The following WDR11 variants were observed in gnomAD, a reference collection of about 807,000 sequenced individuals.
WDR11 encodes the protein WD repeat-containing protein 11.
Under a neutral mutation model 151.2 loss-of-function variants are expected in WDR11, and 83 were observed. The ratio of observed to expected loss-of-function variants is 0.55; its 90% CI spans 0.46 to 0.66. The LOEUF (loss-of-function observed/expected upper bound fraction) is 0.66, where lower values mean the gene tolerates loss of function less well. Among genes scored for constraint, WDR11 ranks in the 30% least tolerant of loss-of-function variants. The probability of loss-of-function intolerance (pLI) is 0.00; values close to 1 mark genes in which losing one functional copy is unlikely to be tolerated. For missense variants in WDR11, 1,301 were observed against 1,480.9 expected, an observed-to-expected ratio of 0.88 and a Z score of 1.99; for synonymous variants, 484 against 533.1, an observed-to-expected ratio of 0.91 and a Z score of 1.27.
chr10:120,856,624 G>A lies in WDR11; in HGVS notation c.199-2019G>A, dbSNP rs1331766636. Among the ~76,000 whole-genome samples the A allele has an allele frequency of 3.4e-5, 5 of 147,716 alleles. No homozygotes were observed. The South Asian group carries it at 1.1e-3, about 32-fold the overall frequency. On this transcript the variant is annotated intron_variant, in intron 2 of 28. Transcript: ENST00000263461. ...CCTCCACTATCTTCAAGCTTACATA[G>A]TTTCTGATGAAAAATTTTTGTTTTT...
At chr10:120,876,622 C>T (rs1846801761) in intron 11 of WDR11, among the ~76,000 whole-genome samples, 1 of 152,114 alleles carries the variant, frequency 6.6e-6, no homozygotes, top group Admixed American at 6.5e-5. Flanking sequence ...CTCTCTTTCC[C>T]ATCTCCTCTT....
chr10:120,903,023 G>A, intron 22 of WDR11, 32 bp from the exon 23 acceptor site: 1 of 1,612,150 alleles, frequency 6.2e-7, no homozygotes, highest in Non-Finnish European at 8.5e-7. Context: ...GGTGTGCTGA[G>A]TGCAGTCAAA....
intron 20 of WDR11, among the ~76,000 whole-genome samples, chr10:120,900,343 G>A (rs563544927): frequency 4.6e-5 from 7 of 152,190 alleles, no homozygotes; most frequent in South Asian, 2.1e-4. Context: ...CTGTGAGGGC[G>A]TGTATTGCTC....
In WDR11 at chr10:120,873,925, T is replaced by C; in HGVS notation, c.1556+2T>C. Reference sequence around the variant, plus strand: ...AAGCATCCACTCATGTGAAGTCAAGTAAGTATGTCATTGTGATGATGACAT... The same window carrying C: ...AAGCATCCACTCATGTGAAGTCAAGCAAGTATGTCATTGTGATGATGACAT... On this transcript the variant is annotated splice_donor_variant, in intron 11 of 28. Coordinates refer to ENST00000263461, the MANE Select transcript of WDR11 (RefSeq NM_018117.12). LOFTEE classifies it high-confidence loss of function. The C allele has an allele frequency of 6.2e-7, 1 of 1,601,506 alleles. No individual in the cohort carries two copies. The highest frequency in any genetic ancestry group is 2.2e-5 in the East Asian group (1 of 44,810).
In WDR11 at chr10:120,886,009, A is replaced by G. The variant is rs550138369; in HGVS notation, c.1973+71A>G. 13 of 1,598,704 alleles carry G rather than the reference A, an allele frequency of 8.1e-6. No individual in the cohort carries two copies. In the African/African-American group the frequency reaches 1.5e-4, roughly 18 times the overall value. On this transcript the variant is annotated intron_variant, in intron 15 of 28. Coordinates refer to ENST00000263461, the MANE Select transcript of WDR11 (RefSeq NM_018117.12). ...CATGTCTGGGAAGTTGACAAGTATC[A>G]TCGGAAGGTGTCTATGGTAGCAAGT...
At position 120,862,856 on chromosome 10, in the gene WDR11, C is replaced by T. The variant is rs1229569218; in HGVS notation, c.648C>T (p.Ala216=). 3 of 1,614,054 alleles carry T rather than the reference C, an allele frequency of 1.9e-6. No individual in the cohort carries two copies. Among genetic ancestry groups the T allele is most frequent in the Admixed American group, 1.7e-5 (1 of 60,006 alleles). Residue 216 remains alanine (A), a synonymous_variant, in exon 5 of 29, where the codon GCC becomes GCT. Transcript: ENST00000263461. ...PHSSPAHNKL[A]TATGAKKALN... Reference sequence around the variant, plus strand: ...CTAGCCCAGCTCATAACAAGCTGGCCACAGCCACAGGTGCCAAGAAAGCTC... The same window carrying T: ...CTAGCCCAGCTCATAACAAGCTGGCTACAGCCACAGGTGCCAAGAAAGCTC...
intron 24 of WDR11, 106 bp downstream of exon 24, chr10:120,904,248 A>G (rs1044436781): frequency 2.0e-5 from 18 of 889,012 alleles, no homozygotes; most frequent in Admixed American, 2.0e-4. Flanking sequence ...TTCCCCTTGT[A>G]TGTACCTCCT....
intron 11 of WDR11, among the ~76,000 whole-genome samples, chr10:120,876,661 G>A (rs981638404): frequency 3.9e-5 from 6 of 152,066 alleles, no homozygotes; most frequent in Admixed American, 3.9e-4. Flanking sequence ...ACCCTGCCTT[G>A]TGTGTCTGGT....
In WDR11 at chr10:120,906,261, T is replaced by G. The variant is rs999522047; in HGVS notation, c.3437+240T>G. 9.5e-5 allele frequency: 131 copies of G among 1,381,584 alleles called. No homozygotes were observed. The Middle Eastern group carries it at 1.4e-3, about 15-fold the overall frequency. The allele number at this position is 1,381,584 out of a possible 1,614,324, so 85.6% of individuals were successfully genotyped here. On this transcript the variant is annotated intron_variant, in intron 27 of 28. Coordinates refer to ENST00000263461, the MANE Select transcript of WDR11 (RefSeq NM_018117.12). Reference sequence around the variant, plus strand: ...CTGATCAGACTTAACAGGCACCTAGTAAAAGGGAATTTAAAAGTCTTCAGA... The same window carrying G: ...CTGATCAGACTTAACAGGCACCTAGGAAAAGGGAATTTAAAAGTCTTCAGA...
intron 13 of WDR11, among the ~76,000 whole-genome samples, chr10:120,883,137 G>A (rs975224586): frequency 6.6e-6 from 1 of 152,066 alleles, no homozygotes; most frequent in African/African-American, 2.4e-5. Context: ...TTCTGTTGGG[G>A]TCACACATGG....
Position 120,871,252 on chromosome 10 carries a change from G to A in WDR11, c.1377G>A (p.Leu459=). 2 of 1,614,156 alleles carry A rather than the reference G, an allele frequency of 1.2e-6. No homozygotes were observed. Among genetic ancestry groups the A allele is most frequent in the Non-Finnish European group, 1.7e-6 (2 of 1,180,024 alleles). The change falls in exon 10 of 29, where the codon CTG becomes CTA. Residue 459 remains leucine (L), a synonymous_variant. Coordinates refer to ENST00000263461, the MANE Select transcript of WDR11 (RefSeq NM_018117.12). ...EVHLKFLLTG[L]LSGLPAPQFA... is the part of the protein sequence containing the mutation. The stretch of plus-strand genomic sequence containing the variant: ...ACCTCAAGTTCCTGCTGACGGGACT[G>A]CTTTCAGGACTGCCCGCACCACAGT...
Position 120,892,534 on chromosome 10 carries a change from G to GA in WDR11, c.2515+1654dup, listed in dbSNP as rs567733564. Among the ~76,000 whole-genome samples, 538 of 152,192 alleles carry GA rather than the reference G, an allele frequency of 3.5e-3. 4 individuals carry two copies. Among genetic ancestry groups the GA allele is most frequent in the Non-Finnish European group, 5.3e-3 (359 of 67,986 alleles). ...GATTCATGGCCGATTTGGTCTTGAG[G>GA]AAAAAAAGTTTGAGGTAGTATATTT... On this transcript the variant is annotated intron_variant, in intron 19 of 28. Transcript: ENST00000263461.
intron 11 of WDR11, among the ~76,000 whole-genome samples, chr10:120,874,178 T>TG (rs1846651399): frequency 1.8e-5 from 1 of 55,990 alleles, no homozygotes; most frequent in African/African-American, 8.1e-5. Flanking sequence ...TTTTTGCAGT[T>TG]TTTTTTTTTT....
At chr10:120,860,731 C>G (rs1240157106) in intron 4 of WDR11, among the ~76,000 whole-genome samples, 1 of 152,182 alleles carries the variant, frequency 6.6e-6, no homozygotes, top group African/African-American at 2.4e-5. Flanking sequence ...AGAAATAAGC[C>G]TAAGCAAGTT....
At chr10:120,868,378 T>TGGGAGGCGGTGGAGGTTGCA (rs1166728161) in intron 9 of WDR11, among the ~76,000 whole-genome samples, 1 of 151,924 alleles carries the variant, frequency 6.6e-6, no homozygotes, top group Non-Finnish European at 1.5e-5. Flanking sequence ...CGCTTGAACC[T>TGGGAGGCGGTGGAGGTTGCA]GGGAGGCGGT....
intron 12 of WDR11, chr10:120,878,964 A>G (rs1846902334): frequency 6.6e-6 from 1 of 152,428 alleles, no homozygotes; most frequent in African/African-American, 2.4e-5. Context: ...ACGTCCCAAT[A>G]AGGTAACTTT....
intron 28 of WDR11, chr10:120,907,146 G>A: frequency 7.9e-6 from 3 of 378,540 alleles, no homozygotes; most frequent in Non-Finnish European, 9.9e-6. Context: ...AGAAGATGAA[G>A]GAATGATTTG....
At chr10:120,865,838 G>GAT in intron 7 of WDR11, 94 bp downstream of exon 7, 3 of 809,744 alleles carry the variant, frequency 3.7e-6, no homozygotes, top group Non-Finnish European at 2.0e-6. Flanking sequence ...TATAGTTAAT[G>GAT]ATACTCCTTG....
At chr10:120,878,610 A>G in intron 12 of WDR11, 151 bp downstream of exon 12, 1 of 643,288 alleles carries the variant, frequency 1.6e-6, no homozygotes, top group Non-Finnish European at 2.7e-6. Flanking sequence ...TAATTGCCCT[A>G]GAAAGGCCTC....
Sources: allele counts gnomAD v4.1 joint callset (sites outside exome capture counted in the v4.1 genomes callset), GRCh38; gene constraint gnomAD v4.1.1; transcripts MANE v1.5; gene names NCBI Gene and HGNC (gene_info 2026-07-23, HGNC 2026-07-21).